The following TPR variants were observed in gnomAD, a reference collection of about 807,000 sequenced individuals.
TPR encodes translocated promoter region, nuclear basket protein, also known as nucleoprotein TPR.
Under a neutral mutation model 316.1 loss-of-function variants are expected in TPR, and 51 were observed. The observed-to-expected ratio is 0.16, with a 90% CI of 0.13 to 0.20. The LOEUF is 0.20. Among genes scored for constraint, TPR ranks in the 10% least tolerant of loss-of-function variants. TPR has a pLI of 1.00. For synonymous variants in TPR, 981 were observed against 914.7 expected (o/e 1.07, Z -1.31); for missense variants, 2,272 against 2,754.8 (o/e 0.82, Z 3.92).
At chr1:186,329,948 G>A (rs973047598) in intron 39 of TPR, among the ~76,000 whole-genome samples, 1 of 152,086 alleles carries the variant, frequency 6.6e-6, no homozygotes, top group African/African-American at 2.4e-5. Flanking sequence ...GAGCTCCAAT[G>A]CTATGTGAAC....
chr1:186,312,109 T>C lies in TPR; in HGVS notation c.*1862A>G. On this transcript the variant is annotated 3_prime_UTR_variant, in exon 51 of 51. Transcript: ENST00000367478. ...TTTCCTATACATTGTAAAAGTTGTT[T>C]TCCACCTTTTCTGAGGGTATTAAAA... The C allele has an allele frequency of 7.0e-7, 1 of 1,428,878 alleles. No homozygotes were observed. Among genetic ancestry groups the C allele is most frequent in the Non-Finnish European group, 9.8e-7 (1 of 1,018,294 alleles). 88.5% of individuals were successfully genotyped at this position (1,428,878 alleles called of 1,614,324 possible). A position where few individuals can be genotyped will look rare whatever the true frequency, so the allele number is the denominator to read the frequency against.
intron 3 of TPR, among the ~76,000 whole-genome samples, chr1:186,369,038 C>T (rs562608447): frequency 3.3e-5 from 5 of 152,250 alleles, no homozygotes; most frequent in Admixed American, 3.3e-4. Flanking sequence ...TTCTTGGCAC[C>T]CTTGTTGAAA....
At position 186,313,881 on chromosome 1, in the gene TPR, T is replaced by G. The variant is rs780143162; in HGVS notation, c.*90A>C. On this transcript the variant is annotated 3_prime_UTR_variant, in exon 51 of 51. Transcript: ENST00000367478. ...AGAATATTGACATGAGTATACCAGTTTATATATAAAAATGTTTTTAAACTT... is the reference window on the plus strand; with the variant it reads ...AGAATATTGACATGAGTATACCAGTGTATATATAAAAATGTTTTTAAACTT... The G allele has an allele frequency of 2.4e-5, 35 of 1,487,354 alleles. No individual in the cohort carries two copies. Among genetic ancestry groups the G allele is most frequent in the Non-Finnish European group, 3.3e-5 (35 of 1,067,110 alleles). 92.1% of individuals were successfully genotyped at this position (1,487,354 alleles called of 1,614,324 possible). A position where few individuals can be genotyped will look rare whatever the true frequency, so the allele number is the denominator to read the frequency against.
intron 5 of TPR, 85 bp from the exon 6 acceptor site, chr1:186,363,086 A>T (rs980051134): frequency 4.9e-5 from 68 of 1,385,796 alleles, no homozygotes; most frequent in Non-Finnish European, 6.8e-6. Context: ...AAGGGACACA[A>T]GCAGAATTTT....
At position 186,355,756 on chromosome 1, in the gene TPR, T is replaced by C. The variant is rs201662875; in HGVS notation, c.1901A>G (p.Asp634Gly). ...TGGAGTTGATGCAAGAGAAACATCA[T>C]CTAAGCTTGAAGCTTCAGGAAAGTA... ...VAIPLHASSL[D>G]DVSLASTPKR... Residue 634 changes from aspartate to glycine, a missense_variant, in exon 16 of 51, where the codon GAT becomes GGT. Asp to Gly is a moderately conservative substitution (Grantham distance 94, BLOSUM62 -1). Transcript: ENST00000367478. The C allele has an allele frequency of 1.6e-4, 260 of 1,613,904 alleles. No homozygotes were observed. Among genetic ancestry groups the C allele is most frequent in the Non-Finnish European group, 2.1e-4 (253 of 1,179,968 alleles).
intron 3 of TPR, among the ~76,000 whole-genome samples, chr1:186,368,625 G>C (rs1659414582): frequency 6.6e-6 from 1 of 152,166 alleles, no homozygotes; most frequent in African/African-American, 2.4e-5. Flanking sequence ...CAAAAAACTT[G>C]TCAAACTGCT....
intron 42 of TPR, 69 bp from the exon 43 acceptor site, chr1:186,323,939 A>T: frequency 6.9e-7 from 1 of 1,443,378 alleles, no homozygotes; most frequent in Non-Finnish European, 9.3e-7. Context: ...CAATCCCTAG[A>T]AGTATAAATC....
chr1:186,372,933 T>C lies in TPR; in HGVS notation c.256+426A>G, dbSNP rs184413965. On this transcript the variant is annotated intron_variant, in intron 2 of 50. Coordinates refer to ENST00000367478, the MANE Select transcript of TPR (RefSeq NM_003292.3). ...TAAAACATAAATATAATGAAATCAA[T>C]AGGCTTCGATTCTTCAACATAAAAA... Among the ~76,000 whole-genome samples the C allele has an allele frequency of 2.4e-3, 371 of 152,290 alleles. 5 individuals carry two copies. Among genetic ancestry groups the C allele is most frequent in the African/African-American group, 8.7e-3 (363 of 41,566 alleles).
chr1:186,368,736 C>T (rs1343498242), intron 3 of TPR, among the ~76,000 whole-genome samples: 2 of 152,222 alleles, frequency 1.3e-5, no homozygotes, highest in Admixed American at 1.3e-4. Context: ...ATTCTTGTTT[C>T]CTGTGTAGAA....
intron 39 of TPR, among the ~76,000 whole-genome samples, chr1:186,327,906 C>T (rs532157844): frequency 6.6e-6 from 1 of 152,172 alleles, no homozygotes; most frequent in South Asian, 2.1e-4. Context: ...CCTCAGCCTC[C>T]TGAGTAGCTG....
At chr1:186,363,585 T>C (rs1571636453) in intron 4 of TPR, 140 bp from the exon 5 acceptor site, 1 of 522,966 alleles carries the variant, frequency 1.9e-6, no homozygotes, top group Non-Finnish European at 3.3e-6. Context: ...ATTGGAACCA[T>C]GCAGATTCAC....
At chr1:186,321,304 G>A (rs1207744623) in intron 45 of TPR, among the ~76,000 whole-genome samples, 1 of 152,184 alleles carries the variant, frequency 6.6e-6, no homozygotes, top group African/African-American at 2.4e-5. Flanking sequence ...CCCCAAGTTT[G>A]TAGAAATTTT....
At chr1:186,340,798 T>C (rs1658487958) in intron 29 of TPR, among the ~76,000 whole-genome samples, 1 of 152,154 alleles carries the variant, frequency 6.6e-6, no homozygotes, top group Non-Finnish European at 1.5e-5. Context: ...TTTAAAATTA[T>C]GGAAAATAAC....
chr1:186,334,132 A>C (rs1658268016), intron 36 of TPR, among the ~76,000 whole-genome samples, 193 bp downstream of exon 36: 1 of 152,150 alleles, frequency 6.6e-6, no homozygotes, highest in Non-Finnish European at 1.5e-5. Context: ...TCCAAAGTGG[A>C]TTTCATATAT....
chr1:186,353,509 A>G (rs1052087030), intron 18 of TPR, among the ~76,000 whole-genome samples, 179 bp downstream of exon 18: 9 of 152,258 alleles, frequency 5.9e-5, no homozygotes, highest in Admixed American at 5.9e-4. Context: ...CTATCTTAAT[A>G]GAAACAATCA....
At chr1:186,347,222 T>C in intron 22 of TPR, 70 bp downstream of exon 22, 1 of 1,540,572 alleles carries the variant, frequency 6.5e-7, no homozygotes, top group Non-Finnish European at 8.9e-7. Flanking sequence ...AAAAAAGCAG[T>C]CCTCTAGTTA....
intron 42 of TPR, among the ~76,000 whole-genome samples, chr1:186,324,345 T>C (rs906127600): frequency 6.6e-6 from 1 of 152,204 alleles, no homozygotes; most frequent in African/African-American, 2.4e-5. Context: ...AGAGAATCAG[T>C]GTAACAATCA....
intron 15 of TPR, 37 bp from the exon 16 acceptor site, chr1:186,355,805 G>C: frequency 1.2e-6 from 2 of 1,605,010 alleles, no homozygotes; most frequent in Non-Finnish European, 8.5e-7. Flanking sequence ...TGCTTTGTTG[G>C]CTTTCATAAA....
At position 186,358,565 on chromosome 1, in the gene TPR, T is replaced by C; in HGVS notation, c.1475A>G (p.Gln492Arg). The C allele has an allele frequency of 6.2e-7, 1 of 1,610,764 alleles. No homozygotes were observed. Among genetic ancestry groups the C allele is most frequent in the Non-Finnish European group, 8.5e-7 (1 of 1,178,818 alleles). The change falls in exon 13 of 51, where the codon CAA becomes CGA. Residue 492 changes from glutamine to arginine, a missense_variant. Gln to Arg is a conservative substitution (Grantham distance 43, BLOSUM62 1). Around this residue, in one of 10 missense-constraint regions of TPR, gnomAD observed 549 missense variants for 598.6 expected, o/e 0.92. Coordinates refer to ENST00000367478, the MANE Select transcript of TPR (RefSeq NM_003292.3). ...LERDNRRMEI[Q>R]VKDLSQQIRV... The stretch of plus-strand genomic sequence containing the variant: ...AACCTGTTGTGAAAGATCTTTTACT[T>C]GTATTTCCATTCTTCGATTATCTCT...
Sources: allele counts gnomAD v4.1 joint callset (sites outside exome capture counted in the v4.1 genomes callset), GRCh38; gene constraint gnomAD v4.1.1; regional missense constraint gnomAD v4.1.1; transcripts MANE v1.5; gene names NCBI Gene and HGNC (gene_info 2026-07-23, HGNC 2026-07-21).